Variants in TBC1D30 observed in about 807,000 individuals in gnomAD.
TBC1D30 encodes TBC1 domain family member 30, also known as TBC1 domain family, member 30.
In TBC1D30, 31 loss-of-function variants were observed where a neutral mutation model predicts 63.2. The observed-to-expected ratio is 0.49, with a 90% CI of 0.37 to 0.66. The LOEUF (loss-of-function observed/expected upper bound fraction) is 0.66. Ranked by LOEUF, TBC1D30 falls within the 30% of genes least tolerant of loss-of-function variation. The pLI is 0.00. For synonymous variants in TBC1D30, 307 were observed against 361.5 expected, an observed-to-expected ratio of 0.85 and a Z score of 1.71; for missense variants, 810 against 953.6, an observed-to-expected ratio of 0.85 and a Z score of 1.98.
intron 2 of TBC1D30, among the ~76,000 whole-genome samples, chr12:64,796,708 CTA>C (rs1872295420): frequency 6.6e-6 from 1 of 152,074 alleles, no homozygotes; most frequent in South Asian, 2.1e-4. Flanking sequence ...TTTTTAGAGA[CTA>C]TATCTTTCAA....
chr12:64,854,516 A>G (rs1295047556), intron 8 of TBC1D30, among the ~76,000 whole-genome samples: 3 of 125,462 alleles, frequency 2.4e-5, no homozygotes, highest in African/African-American at 1.2e-4. Context: ...TTTTTTTGAG[A>G]TGGAATCTTG....
chr12:64,760,435 C>T (rs1430510880), intron 1 of TBC1D30, among the ~76,000 whole-genome samples: 6 of 151,936 alleles, frequency 3.9e-5, no homozygotes, highest in African/African-American at 1.5e-4. Flanking sequence ...TGGTGGCAGG[C>T]GCCTGTAATC....
intron 2 of TBC1D30, among the ~76,000 whole-genome samples, chr12:64,793,675 A>G (rs2136305840): frequency 6.6e-6 from 1 of 152,172 alleles, no homozygotes; most frequent in South Asian, 2.1e-4. Context: ...AAACAAAAAC[A>G]CAAATAAAAA....
At position 64,871,538 on chromosome 12, in the gene TBC1D30, C is replaced by T. The variant is rs148679401; in HGVS notation, c.1498+730C>T. On this transcript the variant is annotated intron_variant, in intron 11 of 11. Transcript: ENST00000539867. ...TTTAAAGTGGCATGTGAGCATGTGA[C>T]TGATCCTGCACAAAAACTGAATTTA... Among the ~76,000 whole-genome samples, 4 of 152,286 alleles carry T rather than the reference C, an allele frequency of 2.6e-5. No homozygotes were observed. In the East Asian group the frequency reaches 7.7e-4, roughly 29 times the overall value.
intron 9 of TBC1D30, among the ~76,000 whole-genome samples, chr12:64,866,443 T>C (rs901561533): frequency 2.1e-5 from 3 of 145,898 alleles, no homozygotes; most frequent in Non-Finnish European, 4.6e-5. Flanking sequence ...TATATAATTC[T>C]TTTTTTTTTT....
upstream of TBC1D30, among the ~76,000 whole-genome samples, chr12:64,823,045 G>GA (rs951056644): frequency 4.7e-5 from 7 of 148,598 alleles, no homozygotes; most frequent in East Asian, 3.9e-4. Context: ...TTTTTGAAAA[G>GA]AAAAAAAAAT....
At chr12:64,855,294 C>G (rs1877208787) in intron 8 of TBC1D30, among the ~76,000 whole-genome samples, 1 of 151,950 alleles carries the variant, frequency 6.6e-6, no homozygotes, top group Non-Finnish European at 1.5e-5. Context: ...TTGTAAAACG[C>G]CTTGAGGGAG....
rs914300136 is a variant in TBC1D30, at chr12:64,875,342, T to A, written c.1840T>A (p.Cys614Ser). ...LGAAEAFPSG[C>S]TATAGREGSS... ...GGCAGCAGAGGCATTCCCCTCTGGT[T>A]GTACAGCGACAGCTGGGAGAGAAGG... The change falls in exon 12 of 12, where the codon TGT (cysteine) becomes AGT (serine). Residue 614 changes from cysteine to serine, a missense_variant. Around this residue, in one of 4 missense-constraint regions of TBC1D30, gnomAD observed 450 missense variants for 473.0 expected, o/e 0.95. Coordinates refer to ENST00000539867, the MANE Select transcript of TBC1D30 (RefSeq NM_015279.2). 18 of 1,536,112 alleles carry A rather than the reference T, an allele frequency of 1.2e-5. No individual in the cohort carries two copies. The highest frequency in any genetic ancestry group is 7.3e-5 in the East Asian group (3 of 40,910).
chr12:64,804,702 A>G (rs1286407554), intron 2 of TBC1D30, among the ~76,000 whole-genome samples: 1 of 152,186 alleles, frequency 6.6e-6, no homozygotes, highest in African/African-American at 2.4e-5. Context: ...AAGGGGCACA[A>G]AATTCATTTT....
intron 1 of TBC1D30, among the ~76,000 whole-genome samples, chr12:64,767,804 G>A (rs1186654360): frequency 1.6e-5 from 2 of 122,522 alleles, no homozygotes; most frequent in African/African-American, 5.8e-5. Flanking sequence ...GGGGGGGAGG[G>A]GGGGGAGATA....
At chr12:64,857,543 A>C (rs909067534) in intron 8 of TBC1D30, among the ~76,000 whole-genome samples, 1 of 152,170 alleles carries the variant, frequency 6.6e-6, no homozygotes. Flanking sequence ...TATGAGCTGC[A>C]CTGCCTGGGG....
chr12:64,810,351 T>G (rs1478200637), intron 2 of TBC1D30, among the ~76,000 whole-genome samples: 1 of 152,174 alleles, frequency 6.6e-6, no homozygotes, highest in Non-Finnish European at 1.5e-5. Flanking sequence ...GTCTGGTGAC[T>G]CACACTGTAA....
At chr12:64,834,404 CTTT>C (rs34733475) in intron 5 of TBC1D30, among the ~76,000 whole-genome samples, 4 of 120,288 alleles carry the variant, frequency 3.3e-5, no homozygotes, top group Non-Finnish European at 5.2e-5. Context: ...TTAGCCAAAT[CTTT>C]TTTTTTTTTT....
At chr12:64,832,068 G>A in intron 4 of TBC1D30, 51 bp from the exon 5 acceptor site, 1 of 1,405,630 alleles carries the variant, frequency 7.1e-7, no homozygotes, top group Non-Finnish European at 9.4e-7. Flanking sequence ...GTATTGTTTT[G>A]GAAAGAATAT....
At chr12:64,848,105 T>C (rs1166143951) in intron 8 of TBC1D30, among the ~76,000 whole-genome samples, 1 of 152,090 alleles carries the variant, frequency 6.6e-6, no homozygotes. Flanking sequence ...TATATCCTCT[T>C]GCTGAATTGA....
At chr12:64,866,932 T>A in intron 10 of TBC1D30, 29 bp downstream of exon 10, 1 of 1,535,076 alleles carries the variant, frequency 6.5e-7, no homozygotes, top group Non-Finnish European at 8.7e-7. Flanking sequence ...ATTTAGATTA[T>A]CATGATGTAT....
Position 64,857,849 on chromosome 12 carries a change from A to G in TBC1D30, c.1039-6819A>G, listed in dbSNP as rs191738477. Among the ~76,000 whole-genome samples the G allele has an allele frequency of 1.0e-3, 159 of 152,344 alleles. 1 individual carries two copies. Among genetic ancestry groups the G allele is most frequent in the Admixed American group, 9.6e-3 (147 of 15,304 alleles). On this transcript the variant is annotated intron_variant, in intron 8 of 11. Transcript: ENST00000539867. ...TGTGTGAATGCTGAGTGAGCCCAGC[A>G]CAACTTTGCTCTCCATTGTGGCAGA...
chr12:64,812,325 A>G (rs1321726032), intron 2 of TBC1D30, among the ~76,000 whole-genome samples: 1 of 152,210 alleles, frequency 6.6e-6, no homozygotes, highest in African/African-American at 2.4e-5. Context: ...CATCCTGCCC[A>G]GTGTCTGATC....
intron 2 of TBC1D30, among the ~76,000 whole-genome samples, chr12:64,812,669 T>C (rs1873282845): frequency 6.6e-6 from 1 of 152,178 alleles, no homozygotes; most frequent in Non-Finnish European, 1.5e-5. Flanking sequence ...GAAAATTGCA[T>C]GCATTATTTA....
Sources: allele counts gnomAD v4.1 joint callset (sites outside exome capture counted in the v4.1 genomes callset), GRCh38; gene constraint gnomAD v4.1.1; regional missense constraint gnomAD v4.1.1; transcripts MANE v1.5; gene names NCBI Gene and HGNC (gene_info 2026-07-23, HGNC 2026-07-21).